Variants in SOX6 observed in about 807,000 individuals in gnomAD.
The protein encoded by SOX6 is SRY-box transcription factor 6, also known as transcription factor SOX-6.
Under a neutral mutation model 97.8 loss-of-function variants are expected in SOX6, and 11 were observed. The ratio of observed to expected loss-of-function variants is 0.11; its 90% CI spans 0.07 to 0.19. The LOEUF is 0.19. Among genes scored for constraint, SOX6 ranks in the 10% least tolerant of loss-of-function variants. The pLI is 1.00. For missense variants in SOX6, 810 were observed against 1,039.5 expected (o/e 0.78, Z 3.04); for synonymous variants, 360 against 371.4 (o/e 0.97, Z 0.35).
At chr11:16,377,886 A>C (rs1464795453) in intron 1 of SOX6, among the ~76,000 whole-genome samples, 2 of 152,166 alleles carry the variant, frequency 1.3e-5, no homozygotes, top group Non-Finnish European at 2.9e-5. Context: ...CCATGAGGAG[A>C]CAAATAAGCT....
chr11:16,426,133 G>A (rs1859124018), intron 1 of SOX6, among the ~76,000 whole-genome samples: 1 of 151,064 alleles, frequency 6.6e-6, no homozygotes, highest in African/African-American at 2.4e-5. Flanking sequence ...GTGGGCGCCT[G>A]TAATCCCAGC....
chr11:16,116,190 T>C (rs1386973123), intron 6 of SOX6, among the ~76,000 whole-genome samples: 2 of 152,102 alleles, frequency 1.3e-5, no homozygotes, highest in East Asian at 1.9e-4. Context: ...ATAATAGTAA[T>C]GATGATGATA....
At chr11:16,574,429 A>G (rs1048885417) in intron 4 of SOX6, among the ~76,000 whole-genome samples, 49 of 152,238 alleles carry the variant, frequency 3.2e-4, no homozygotes, top group African/African-American at 1.1e-3. Context: ...CTGGACATCC[A>G]TAAGAGGAAA....
intron 1 of SOX6, among the ~76,000 whole-genome samples, chr11:16,426,255 CAAAAAAAAAAAAAAAAAAAAAAAA>C (rs869158484): frequency 2.1e-4 from 6 of 29,256 alleles, no homozygotes; most frequent in Non-Finnish European, 2.7e-4. Flanking sequence ...GACTCCATCT[CAAAAAAAAAAAAAAAAAAAAAAAA>C]AAAAAAAAAA....
Position 16,682,509 on chromosome 11 carries a change from CAGA to C in SOX6, n.429+32318_429+32320del, listed in dbSNP as rs558893006. Among the ~76,000 whole-genome samples, 66 of 152,280 alleles carry C rather than the reference CAGA, an allele frequency of 4.3e-4. No homozygotes were observed. The East Asian group carries it at 5.6e-3, about 13-fold the overall frequency. On this transcript the variant is annotated intron_variant and non_coding_transcript_variant, in intron 3 of 5. Coordinates refer to the SOX6 transcript ENST00000524520. Reference sequence around the variant, plus strand: ...AACCACATGATTATCTCAACAGATGCAGAAGAAGCCTTCAACAAAATTCAACAG... The same window carrying C: ...AACCACATGATTATCTCAACAGATGCAGAAGCCTTCAACAAAATTCAACAG...
intron 4 of SOX6, among the ~76,000 whole-genome samples, chr11:16,540,731 T>G (rs1233654552): frequency 3.3e-5 from 5 of 151,764 alleles, no homozygotes; most frequent in Admixed American, 3.3e-4. Flanking sequence ...ATTGCTACAG[T>G]GAGAATAAAA....
intron 4 of SOX6, among the ~76,000 whole-genome samples, chr11:16,230,521 A>G (rs1431900312): frequency 6.6e-6 from 1 of 151,778 alleles, no homozygotes; most frequent in Non-Finnish European, 1.5e-5. Context: ...AAAATATTAA[A>G]TACTAAGAAA....
intron 1 of SOX6, among the ~76,000 whole-genome samples, chr11:16,411,619 T>C (rs974164643): frequency 2.6e-5 from 4 of 152,182 alleles, no homozygotes; most frequent in Non-Finnish European, 5.9e-5. Flanking sequence ...ACTATCAACC[T>C]AGTCTTTACA....
chr11:16,002,026 A>T (rs1009265180), intron 13 of SOX6, among the ~76,000 whole-genome samples: 4 of 152,114 alleles, frequency 2.6e-5, no homozygotes, highest in Admixed American at 6.6e-5. Context: ...TGACTAATCA[A>T]TCCCTCCCCT....
intron 4 of SOX6, among the ~76,000 whole-genome samples, chr11:16,571,126 C>T (rs1249935086): frequency 6.6e-6 from 1 of 152,136 alleles, no homozygotes; most frequent in African/African-American, 2.4e-5. Flanking sequence ...GTTGCTTCTA[C>T]TGAATTGTTG....
At chr11:16,433,145 C>T (rs1159262734) in intron 1 of SOX6, among the ~76,000 whole-genome samples, 4 of 152,092 alleles carry the variant, frequency 2.6e-5, no homozygotes, top group South Asian at 4.2e-4. Flanking sequence ...ATTAATTTCA[C>T]CTGAAATTAT....
At chr11:16,614,468 A>T (rs1197508099) in intron 3 of SOX6, among the ~76,000 whole-genome samples, 2 of 152,202 alleles carry the variant, frequency 1.3e-5, no homozygotes, top group African/African-American at 4.8e-5. Flanking sequence ...TTCTCAGGAA[A>T]TCAGTCCTTC....
intron 3 of SOX6, among the ~76,000 whole-genome samples, chr11:16,712,191 T>C (rs969028732): frequency 6.6e-6 from 1 of 152,000 alleles, no homozygotes; most frequent in African/African-American, 2.4e-5. Context: ...CAATTGTGAA[T>C]TGTGCTGCTA....
intron 1 of SOX6, among the ~76,000 whole-genome samples, chr11:16,371,521 T>G (rs922505589): frequency 2.0e-5 from 3 of 152,092 alleles, no homozygotes; most frequent in Admixed American, 6.6e-5. Context: ...CGTAAGCTCC[T>G]TGAGGGCAGA....
rs964816383 is a variant in SOX6, at chr11:16,522,289, G to A, written n.610-45901C>T. ...AGACTAACAGCGGATCTCTTGGCAG[G>A]AACTCTACAACCCAGAAGACAGTGG... On this transcript the variant is annotated intron_variant and non_coding_transcript_variant, in intron 4 of 5. Coordinates refer to the SOX6 transcript ENST00000524520. 4.3e-4 allele frequency among the ~76,000 whole-genome samples: 66 copies of A among 152,130 alleles called. 1 individual carries two copies. In the East Asian group the frequency reaches 0.012, roughly 28 times the overall value.
At chr11:16,683,402 A>G (rs1243354134) in intron 3 of SOX6, among the ~76,000 whole-genome samples, 1 of 152,224 alleles carries the variant, frequency 6.6e-6, no homozygotes, top group Non-Finnish European at 1.5e-5. Context: ...GACCAATAGA[A>G]CAGAACAGAG....
chr11:16,132,398 GAAAAAAGAAAGA>G (rs1849805957), intron 6 of SOX6, among the ~76,000 whole-genome samples: 1 of 48,134 alleles, frequency 2.1e-5, no homozygotes, highest in Non-Finnish European at 3.8e-5. Context: ...AAGAAAGAAA[GAAAAAAGAAAGA>G]AAGAAAGAAA....
intron 9 of SOX6, among the ~76,000 whole-genome samples, chr11:16,062,789 G>C (rs143596782): frequency 4.0e-4 from 60 of 151,600 alleles, no homozygotes; most frequent in African/African-American, 1.4e-3. Flanking sequence ...TTTAATACTG[G>C]CAGCTTTAAT....
chr11:16,147,678 A>G (rs923636426), intron 6 of SOX6, among the ~76,000 whole-genome samples: 2 of 152,108 alleles, frequency 1.3e-5, no homozygotes, highest in Non-Finnish European at 2.9e-5. Flanking sequence ...TTAAATGAAC[A>G]CCGAAATTTC....
Sources: allele counts gnomAD v4.1 joint callset (sites outside exome capture counted in the v4.1 genomes callset), GRCh38; gene constraint gnomAD v4.1.1; transcripts MANE v1.5; gene names NCBI Gene and HGNC (gene_info 2026-07-23, HGNC 2026-07-21).